CNNM2: variants seen among roughly 807,000 people sequenced by gnomAD.
CNNM2 encodes cyclin and CBS domain divalent metal cation transport mediator 2.
A neutral mutation model predicts 66.9 loss-of-function variants in CNNM2; 12 were observed. The observed-to-expected ratio is 0.18, with a 90% CI of 0.11 to 0.29. The LOEUF (loss-of-function observed/expected upper bound fraction) is 0.29, where lower values mean the gene tolerates loss of function less well. Ranked by LOEUF, CNNM2 falls within the 10% of genes least tolerant of loss-of-function variation. CNNM2 has a pLI of 1.00. For synonymous variants in CNNM2, 557 were observed against 501.8 expected (o/e 1.11, Z -1.47); for missense variants, 705 against 1,167.7 (o/e 0.60, Z 5.77).
rs760160283 is a variant in CNNM2 at position 102,989,375 on chromosome 10, ATTC to A, written c.1622-60326_1622-60324del. 4.4e-4 allele frequency among the ~76,000 whole-genome samples: 67 copies of A among 151,554 alleles called. 1 individual carries two copies. Among genetic ancestry groups the A allele is most frequent in the African/African-American group, 1.4e-3 (59 of 41,306 alleles). On this transcript the variant is annotated intron_variant, in intron 1 of 7. Coordinates refer to ENST00000369878, the MANE Select transcript of CNNM2 (RefSeq NM_017649.5). ...GGGTCGTCTTTATTTTATTTTTTTC[ATTC>A]TTCTTTTTTTTTGGAGGTTACTTCA...
At chr10:103,047,684 G>T (rs2065149117) in intron 1 of CNNM2, among the ~76,000 whole-genome samples, 1 of 152,052 alleles carries the variant, frequency 6.6e-6, no homozygotes, top group African/African-American at 2.4e-5. Context: ...CTGTTGTTCT[G>T]TCTTATACTC....
Position 103,077,078 on chromosome 10 carries a change from G to A in CNNM2, c.2526G>A (p.Leu842=), listed in dbSNP as rs747479663. 1 of 1,613,986 alleles carries A rather than the reference G, an allele frequency of 6.2e-7. No individual in the cohort carries two copies. The highest frequency in any genetic ancestry group is 1.1e-5 in the South Asian group (1 of 91,088). The part of the protein sequence containing the change: ...NTKIELTLTE[L]HDGLPDETAN... Reference sequence around the variant, plus strand: ...AAATCGAATTGACTCTTACGGAGCTGCATGACGGGTTGCCAGACGAGACAG... The same window carrying A: ...AAATCGAATTGACTCTTACGGAGCTACATGACGGGTTGCCAGACGAGACAG... The change falls in exon 8 of 8, where the codon CTG becomes CTA. Residue 842 remains leucine (L), a synonymous_variant. Coordinates refer to ENST00000369878, the MANE Select transcript of CNNM2 (RefSeq NM_017649.5).
chr10:102,994,608 A>G (rs1024008815), intron 1 of CNNM2, among the ~76,000 whole-genome samples: 1 of 152,228 alleles, frequency 6.6e-6, no homozygotes, highest in African/African-American at 2.4e-5. Context: ...CCAGAACCAC[A>G]TGACCACTGC....
At chr10:102,944,150 C>G (rs1010932403) in intron 1 of CNNM2, among the ~76,000 whole-genome samples, 8 of 148,868 alleles carry the variant, frequency 5.4e-5, no homozygotes, top group African/African-American at 2.0e-4. Flanking sequence ...GCGATCTCGG[C>G]TCACTGCAGT....
intron 2 of CNNM2, among the ~76,000 whole-genome samples, chr10:103,053,989 C>T (rs967359566): frequency 1.3e-5 from 2 of 152,150 alleles, no homozygotes; most frequent in Non-Finnish European, 2.9e-5. Flanking sequence ...AGGCTGCGCG[C>T]CCTGTTGCTG....
intron 4 of CNNM2, 69 bp from the exon 5 acceptor site, chr10:103,068,560 A>G: frequency 7.8e-7 from 1 of 1,278,714 alleles, no homozygotes; most frequent in South Asian, 1.3e-5. Flanking sequence ...GGAAGGACCA[A>G]ATATTGTACA....
chr10:102,997,216 A>T (rs2064019767), intron 1 of CNNM2, among the ~76,000 whole-genome samples: 1 of 152,198 alleles, frequency 6.6e-6, no homozygotes, highest in Non-Finnish European at 1.5e-5. Context: ...ATTCTTATGG[A>T]TTGCTTCATT....
At chr10:102,972,209 G>T (rs1334629520) in intron 1 of CNNM2, among the ~76,000 whole-genome samples, 2 of 152,160 alleles carry the variant, frequency 1.3e-5, no homozygotes, top group Non-Finnish European at 1.5e-5. Flanking sequence ...TCCTAATCAT[G>T]ACTGCATCAG....
intron 1 of CNNM2, among the ~76,000 whole-genome samples, chr10:102,932,961 A>C (rs1413423844): frequency 6.6e-6 from 1 of 151,294 alleles, no homozygotes; most frequent in Non-Finnish European, 1.5e-5. Context: ...TTGAGAGTTT[A>C]CTTCTGAACC....
At chr10:102,949,687 G>T (rs1846755455) in intron 1 of CNNM2, among the ~76,000 whole-genome samples, 1 of 152,118 alleles carries the variant, frequency 6.6e-6, no homozygotes, top group Non-Finnish European at 1.5e-5. Flanking sequence ...GGGAAGCTGA[G>T]GCAGGAATCT....
chr10:103,032,486 T>C (rs918934090), intron 1 of CNNM2, among the ~76,000 whole-genome samples: 6 of 149,402 alleles, frequency 4.0e-5, no homozygotes, highest in African/African-American at 7.3e-5. Flanking sequence ...AGAATGCAAA[T>C]TTTTAACAGT....
In CNNM2 at chr10:103,083,787, G is replaced by T. The variant is rs962068455; in HGVS notation, c.*6607G>T. The T allele has an allele frequency of 3.9e-5, 6 of 152,238 alleles. No individual in the cohort carries two copies. 9.4% of individuals were successfully genotyped at this position (152,238 alleles called of 1,614,324 possible). ...GCTGGGCTAAGCCGGCATTTCCTAG[G>T]TAAGACCAAAGGTCTCATTCAGGCC... is the stretch of plus-strand genomic sequence containing the variant. On this transcript the variant is annotated 3_prime_UTR_variant, in exon 8 of 8. Transcript: ENST00000369878.
At chr10:102,923,321 G>A (rs1845726223) in intron 1 of CNNM2, among the ~76,000 whole-genome samples, 3 of 152,330 alleles carry the variant, frequency 2.0e-5, no homozygotes, top group South Asian at 4.1e-4. Flanking sequence ...CAGGTACAGG[G>A]GCTGGGGCTT....
At chr10:102,976,624 T>TTTTTTTTTTTTTTTTTTTTTTTG in intron 1 of CNNM2, among the ~76,000 whole-genome samples, 1 of 105,710 alleles carries the variant, frequency 9.5e-6, no homozygotes, top group Non-Finnish European at 2.0e-5. Flanking sequence ...TTTTTTTTTT[T>TTTTTTTTTTTTTTTTTTTTTTTG]TTTTTTTTTT....
intron 1 of CNNM2, among the ~76,000 whole-genome samples, chr10:103,042,876 T>G (rs1416420277): frequency 6.6e-6 from 1 of 152,220 alleles, no homozygotes; most frequent in Non-Finnish European, 1.5e-5. Flanking sequence ...ACATGGGACC[T>G]AAATTTAGAC....
At chr10:102,940,209 C>A (rs1238918853) in intron 1 of CNNM2, among the ~76,000 whole-genome samples, 2 of 152,106 alleles carry the variant, frequency 1.3e-5, no homozygotes, top group Non-Finnish European at 1.5e-5. Context: ...CTGCCTTGGC[C>A]TTCCAAGGTG....
intron 1 of CNNM2, among the ~76,000 whole-genome samples, chr10:103,008,818 C>T (rs1259098009): frequency 6.8e-6 from 1 of 147,468 alleles, no homozygotes; most frequent in African/African-American, 2.5e-5. Flanking sequence ...TCATACTGTA[C>T]TTCTACAAAT....
intron 1 of CNNM2, among the ~76,000 whole-genome samples, chr10:102,980,617 T>C (rs1000884228): frequency 6.6e-6 from 1 of 152,158 alleles, no homozygotes; most frequent in South Asian, 2.1e-4. Flanking sequence ...ATAAGGACTT[T>C]CCTTTTCTGT....
intron 1 of CNNM2, among the ~76,000 whole-genome samples, chr10:103,024,533 C>T (rs1360834079): frequency 1.3e-5 from 2 of 152,078 alleles, no homozygotes; most frequent in Non-Finnish European, 1.5e-5. Context: ...GGCTGGAATG[C>T]GGTGGCGTGA....
Sources: allele counts gnomAD v4.1 joint callset (sites outside exome capture counted in the v4.1 genomes callset), GRCh38; gene constraint gnomAD v4.1.1; transcripts MANE v1.5; gene names NCBI Gene and HGNC (gene_info 2026-07-23, HGNC 2026-07-21).